Variants in CEP112 observed in about 807,000 individuals in gnomAD.
CEP112 encodes centrosomal protein 112, also known as centrosomal protein of 112 kDa.
A neutral mutation model predicts 153.0 loss-of-function variants in CEP112; 127 were observed. The observed-to-expected ratio is 0.83, with a 90% CI of 0.72 to 0.96. CEP112 has a LOEUF of 0.96. Among genes scored for constraint, CEP112 ranks in the 40% least tolerant of loss-of-function variants. CEP112 has a pLI of 0.00. For synonymous variants in CEP112, 358 were observed against 374.4 expected (o/e 0.96, Z 0.51); for missense variants, 1,089 against 1,101.2 (o/e 0.99, Z 0.16).
intron 17 of CEP112, among the ~76,000 whole-genome samples, chr17:65,987,598 G>A (rs918840572): frequency 1.6e-4 from 24 of 152,146 alleles, no homozygotes; most frequent in African/African-American, 5.3e-4. Context: ...TCAAAATGGC[G>A]GCATAGAAGC....
At chr17:65,985,285 G>C (rs897408994) in intron 17 of CEP112, among the ~76,000 whole-genome samples, 2 of 152,092 alleles carry the variant, frequency 1.3e-5, no homozygotes, top group African/African-American at 4.8e-5. Context: ...ATTGTAAGAG[G>C]AAGCAAAGAA....
intron 22 of CEP112, among the ~76,000 whole-genome samples, chr17:65,744,423 T>G (rs1398307165): frequency 1.3e-5 from 2 of 152,122 alleles, no homozygotes; most frequent in Admixed American, 1.3e-4. Context: ...AATTTTTGTA[T>G]TTTTAGTAGA....
intron 1 of CEP112, among the ~76,000 whole-genome samples, chr17:66,186,530 C>T (rs866891505): frequency 6.6e-6 from 1 of 152,134 alleles, no homozygotes; most frequent in Middle Eastern, 3.2e-3. Flanking sequence ...ACCTCGTGAT[C>T]CGCCTGCCTC....
At chr17:65,877,133 CTCTG>C (rs1250433781) in intron 20 of CEP112, among the ~76,000 whole-genome samples, 3 of 152,182 alleles carry the variant, frequency 2.0e-5, no homozygotes, top group African/African-American at 4.8e-5. Flanking sequence ...CGGCCCAGCC[CTCTG>C]TCTGATTGCA....
intron 21 of CEP112, among the ~76,000 whole-genome samples, chr17:65,793,946 T>C (rs1363052912): frequency 1.3e-5 from 2 of 152,230 alleles, no homozygotes; most frequent in Admixed American, 1.3e-4. Flanking sequence ...GCAGTGATTA[T>C]GGAAAAGAAC....
intron 24 of CEP112, among the ~76,000 whole-genome samples, chr17:65,652,471 T>C (rs1453957258): frequency 2.0e-5 from 3 of 152,020 alleles, no homozygotes; most frequent in African/African-American, 7.2e-5. Context: ...ATGGAGATTT[T>C]TATTATATAT....
chr17:65,918,446 T>C (rs996714231), intron 19 of CEP112, among the ~76,000 whole-genome samples: 3 of 152,006 alleles, frequency 2.0e-5, no homozygotes, highest in Non-Finnish European at 4.4e-5. Flanking sequence ...CCTTCAGTGT[T>C]TTTTGTTTTT....
chr17:65,693,571 A>G (rs2048220907), intron 23 of CEP112, among the ~76,000 whole-genome samples: 1 of 152,114 alleles, frequency 6.6e-6, no homozygotes, highest in South Asian at 2.1e-4. Flanking sequence ...GGGAATTGGA[A>G]AAAAGGGACT....
intron 20 of CEP112, among the ~76,000 whole-genome samples, chr17:65,875,473 A>G (rs1376272705): frequency 6.6e-6 from 1 of 152,136 alleles, no homozygotes; most frequent in African/African-American, 2.4e-5. Flanking sequence ...AACTCTGATG[A>G]TCGTGACCTT....
intron 20 of CEP112, among the ~76,000 whole-genome samples, chr17:65,869,732 C>T (rs942732198): frequency 1.3e-5 from 2 of 151,574 alleles, no homozygotes; most frequent in African/African-American, 4.8e-5. Context: ...GGCAGGCGCC[C>T]GCCACCACAT....
At chr17:65,679,129 CTTT>C (rs57907674) in intron 24 of CEP112, among the ~76,000 whole-genome samples, 26 of 31,588 alleles carry the variant, frequency 8.2e-4, no homozygotes, top group East Asian at 2.0e-3. Context: ...GTGGTTCAAG[CTTT>C]TTTTTTTTTT....
chr17:65,804,425 C>T (rs1471575356), intron 21 of CEP112: 3 of 152,092 alleles, frequency 2.0e-5, no homozygotes, highest in African/African-American at 7.2e-5. Flanking sequence ...CATATCGACA[C>T]AAAATTTCTC....
chr17:66,187,017 C>G (rs532864307), intron 1 of CEP112, among the ~76,000 whole-genome samples: 1 of 152,178 alleles, frequency 6.6e-6, no homozygotes, highest in Admixed American at 6.5e-5. Flanking sequence ...TATCAATTGC[C>G]TATTTGCTAT....
chr17:65,937,127 G>A (rs1187215734), intron 18 of CEP112, among the ~76,000 whole-genome samples: 1 of 149,092 alleles, frequency 6.7e-6, no homozygotes, highest in Non-Finnish European at 1.5e-5. Context: ...GCTCAATGGT[G>A]CCCAGGCTGG....
chr17:65,987,169 C>G (rs1236273944), intron 17 of CEP112, among the ~76,000 whole-genome samples: 2 of 151,978 alleles, frequency 1.3e-5, no homozygotes, highest in African/African-American at 2.4e-5. Context: ...AAGACCGTCT[C>G]TATGAAATAC....
At chr17:65,695,960 C>T (rs1282753143) in intron 23 of CEP112, among the ~76,000 whole-genome samples, 2 of 152,166 alleles carry the variant, frequency 1.3e-5, no homozygotes, top group Admixed American at 1.3e-4. Context: ...TCTACTTTCC[C>T]GTCTTTATCA....
chr17:65,771,695 T>C (rs1159832456), intron 21 of CEP112, among the ~76,000 whole-genome samples: 3 of 152,092 alleles, frequency 2.0e-5, no homozygotes, highest in African/African-American at 7.2e-5. Context: ...AAGTAAAAGA[T>C]AGACATATAC....
chr17:65,669,824 AC>A (rs1189186429), intron 24 of CEP112, among the ~76,000 whole-genome samples: 4 of 151,594 alleles, frequency 2.6e-5, no homozygotes, highest in African/African-American at 9.7e-5. Flanking sequence ...AATGGCGTGA[AC>A]CCGGGAGGCG....
intron 24 of CEP112, among the ~76,000 whole-genome samples, chr17:65,643,185 T>C (rs949253218): frequency 6.6e-6 from 1 of 152,226 alleles, no homozygotes; most frequent in Non-Finnish European, 1.5e-5. Flanking sequence ...TCCTTGCTCA[T>C]AGGTGAGCTT....
Sources: allele counts gnomAD v4.1 joint callset (sites outside exome capture counted in the v4.1 genomes callset), GRCh38; gene constraint gnomAD v4.1.1; transcripts MANE v1.5; gene names NCBI Gene and HGNC (gene_info 2026-07-23, HGNC 2026-07-21).